Variants in ADAMTS18 observed in about 807,000 individuals in gnomAD.
ADAMTS18 encodes the protein A disintegrin and metalloproteinase with thrombospondin motifs 18.
A neutral mutation model predicts 165.9 loss-of-function variants in ADAMTS18; 157 were observed. The ratio of observed to expected loss-of-function variants is 0.95; its 90% CI spans 0.83 to 1.08. The LOEUF (loss-of-function observed/expected upper bound fraction) is 1.08. ADAMTS18 is among the 50% of genes least tolerant of loss of function. The probability of loss-of-function intolerance (pLI) is 0.00; values close to 1 mark genes in which losing one functional copy is unlikely to be tolerated. For synonymous variants in ADAMTS18, 782 were observed against 578.2 expected (o/e 1.35, Z -5.06); for missense variants, 2,040 against 1,534.0 (o/e 1.33, Z -5.51).
chr16:77,374,839 A>G (rs957112993), intron 3 of ADAMTS18, among the ~76,000 whole-genome samples: 1 of 152,232 alleles, frequency 6.6e-6, no homozygotes, highest in Non-Finnish European at 1.5e-5. Flanking sequence ...ATTCAGAGTG[A>G]CAAGGACAAA....
At chr16:77,416,297 A>G (rs2057529135) in intron 3 of ADAMTS18, among the ~76,000 whole-genome samples, 1 of 152,170 alleles carries the variant, frequency 6.6e-6, no homozygotes, top group African/African-American at 2.4e-5. Flanking sequence ...CAATAATGGA[A>G]GAGATAGGAA....
chr16:77,402,102 C>G (rs747842314), intron 3 of ADAMTS18, among the ~76,000 whole-genome samples: 1 of 152,216 alleles, frequency 6.6e-6, no homozygotes, highest in Non-Finnish European at 1.5e-5. Flanking sequence ...TCCCTAGCTA[C>G]CTACCTACCT....
intron 3 of ADAMTS18, among the ~76,000 whole-genome samples, chr16:77,412,151 C>T (rs886135198): frequency 6.6e-6 from 1 of 152,010 alleles, no homozygotes; most frequent in African/African-American, 2.4e-5. Flanking sequence ...CTAAATAGAA[C>T]AAAAAGACTG....
At chr16:77,368,371 A>G (rs920356459) in intron 3 of ADAMTS18, among the ~76,000 whole-genome samples, 1 of 151,900 alleles carries the variant, frequency 6.6e-6, no homozygotes, top group African/African-American at 2.4e-5. Context: ...ACCACTGGAT[A>G]GAGTGATGAA....
chr16:77,389,251 G>C lies in ADAMTS18; in HGVS notation c.496-21528C>G, dbSNP rs188504452. Among the ~76,000 whole-genome samples the C allele has an allele frequency of 7.9e-5, 12 of 152,324 alleles. No individual in the cohort carries two copies. In the East Asian group the frequency reaches 2.3e-3, roughly 29 times the overall value. ...GCCTGGAAGGTCAAGTCTTCAGTGA[G>C]CCTTGATGGTGCCACTGCACTCCAG... On this transcript the variant is annotated intron_variant, in intron 3 of 22. Transcript: ENST00000282849.
At chr16:77,408,616 T>C (rs553677347) in intron 3 of ADAMTS18, among the ~76,000 whole-genome samples, 114 of 152,300 alleles carry the variant, frequency 7.5e-4, no homozygotes, top group African/African-American at 2.5e-3. Flanking sequence ...GAGCACTCTA[T>C]TGATTGCATG....
intron 22 of ADAMTS18, among the ~76,000 whole-genome samples, chr16:77,287,305 C>T (rs961736299): frequency 2.0e-5 from 3 of 152,120 alleles, no homozygotes; most frequent in African/African-American, 2.4e-5. Context: ...TACACTCAAA[C>T]GACATTCATA....
rs1043925769 is a variant in ADAMTS18, at chr16:77,377,012, A to T, written c.496-9289T>A. Among the ~76,000 whole-genome samples, 3 of 152,024 alleles carry T rather than the reference A, an allele frequency of 2.0e-5. No homozygotes were observed. The East Asian group carries it at 5.8e-4, about 29-fold the overall frequency. On this transcript the variant is annotated intron_variant, in intron 3 of 22. Coordinates refer to ENST00000282849, the MANE Select transcript of ADAMTS18 (RefSeq NM_199355.4). ...GTATTTTTAGTAGAGATGAGGTTTC[A>T]TCACATTGGCCAGGCTGGTCTTGAA...
At chr16:77,384,865 A>G (rs183113423) in intron 3 of ADAMTS18, among the ~76,000 whole-genome samples, 9 of 152,020 alleles carry the variant, frequency 5.9e-5, no homozygotes, top group Non-Finnish European at 8.8e-5. Flanking sequence ...ATAGTTATCA[A>G]AATATTTAAA....
intron 17 of ADAMTS18, among the ~76,000 whole-genome samples, chr16:77,299,388 A>G (rs1320989268): frequency 6.6e-6 from 1 of 152,232 alleles, no homozygotes; most frequent in Admixed American, 6.5e-5. Flanking sequence ...TGTATCCTAA[A>G]AAAGTATTTT....
intron 20 of ADAMTS18, among the ~76,000 whole-genome samples, chr16:77,292,193 C>G (rs781468362): frequency 2.0e-5 from 3 of 151,986 alleles, no homozygotes; most frequent in South Asian, 2.1e-4. Context: ...GTGCATGCCT[C>G]TAGTCCGAGG....
At chr16:77,377,172 A>T (rs947946946) in intron 3 of ADAMTS18, among the ~76,000 whole-genome samples, 1 of 152,114 alleles carries the variant, frequency 6.6e-6, no homozygotes, top group African/African-American at 2.4e-5. Context: ...CACTTTATGA[A>T]TTTTCCCTAA....
At chr16:77,358,597 A>C (rs1335047973) in intron 8 of ADAMTS18, among the ~76,000 whole-genome samples, 2 of 152,166 alleles carry the variant, frequency 1.3e-5, no homozygotes, top group Non-Finnish European at 2.9e-5. Flanking sequence ...CAACATATAA[A>C]AATACCAACT....
In ADAMTS18 at chr16:77,356,002, G is replaced by T. The variant is rs372974892; in HGVS notation, c.1398C>A (p.Thr466=). The T allele has an allele frequency of 1.2e-6, 2 of 1,614,034 alleles. No homozygotes were observed. Among genetic ancestry groups the T allele is most frequent in the East Asian group, 2.2e-5 (1 of 44,868 alleles). The change falls in exon 9 of 23, where the codon ACC becomes ACA. Residue 466 remains threonine, a synonymous_variant. Coordinates refer to ENST00000282849, the MANE Select transcript of ADAMTS18 (RefSeq NM_199355.4). ...ACCATGAAAACACTCCATTGTTTCC[G>T]GTCAGTGTGGGAGACATGATATTGC... is the stretch of plus-strand genomic sequence containing the variant. The part of the protein sequence containing the change: ...AEGNIMSPTL[T]GNNGVFSWSS...
chr16:77,290,961 G>A (rs138904223), intron 21 of ADAMTS18: 33 of 441,336 alleles, frequency 7.5e-5, no homozygotes, highest in African/African-American at 5.6e-4. Flanking sequence ...AGTTTCCGTA[G>A]CAACAGCAAT....
Position 77,325,960 on chromosome 16 carries a change from A to G in ADAMTS18, c.1938T>C (p.Asn646=), listed in dbSNP as rs753625236. 2.5e-6 allele frequency: 4 copies of G among 1,614,034 alleles called. No individual in the cohort carries two copies. The highest frequency in any genetic ancestry group is 3.4e-6 in the Non-Finnish European group (4 of 1,179,968). ...ACTGTTGAGCCCGAAAATCCAAGCT[A>G]TTTTCATTGCAAGGGTTAATATTGC... is the stretch of plus-strand genomic sequence containing the variant. ...QLCNINPCNE[N]SLDFRAQQCA... The change falls in exon 13 of 23, where the codon AAT becomes AAC. Residue 646 remains asparagine (N), a synonymous_variant. Coordinates refer to ENST00000282849, the MANE Select transcript of ADAMTS18 (RefSeq NM_199355.4).
intron 3 of ADAMTS18, among the ~76,000 whole-genome samples, chr16:77,412,789 A>C (rs1400081559): frequency 6.6e-6 from 1 of 152,106 alleles, no homozygotes. Flanking sequence ...CCCATGATTC[A>C]ATTATCTCCC....
At chr16:77,329,596 T>C (rs2144658315) in intron 12 of ADAMTS18, among the ~76,000 whole-genome samples, 1 of 152,306 alleles carries the variant, frequency 6.6e-6, no homozygotes, top group Middle Eastern at 3.4e-3. Flanking sequence ...CCTTATGCTT[T>C]TGTATTGAGT....
chr16:77,329,493 G>C (rs1007795316), intron 12 of ADAMTS18, among the ~76,000 whole-genome samples: 25 of 152,152 alleles, frequency 1.6e-4, no homozygotes, highest in African/African-American at 5.3e-4. Context: ...AATAGGAACA[G>C]TTGTGACAAT....
Sources: gnomAD v4.1 joint callset for allele counts (sites outside exome capture counted in the v4.1 genomes callset) on GRCh38, gnomAD v4.1.1 for gene constraint, MANE v1.5 for transcripts, NCBI Gene and HGNC (gene_info 2026-07-23, HGNC 2026-07-21) for gene names.